The following MAP2K2 variants were observed in gnomAD, a reference collection of about 807,000 sequenced individuals.
MAP2K2 encodes mitogen-activated protein kinase kinase 2, also known as dual specificity mitogen-activated protein kinase kinase 2.
Under a neutral mutation model 43.7 loss-of-function variants are expected in MAP2K2, and 24 were observed. The ratio of observed to expected loss-of-function variants is 0.55; its 90% CI spans 0.40 to 0.77. The LOEUF (loss-of-function observed/expected upper bound fraction) is 0.77, where lower values mean the gene tolerates loss of function less well. Ranked by LOEUF, MAP2K2 falls within the 30% of genes least tolerant of loss-of-function variation. The probability of loss-of-function intolerance (pLI) is 0.00; values close to 1 mark genes in which losing one functional copy is unlikely to be tolerated. For missense variants in MAP2K2, 470 were observed against 566.8 expected, an observed-to-expected ratio of 0.83 and a Z score of 1.73; for synonymous variants, 244 against 239.7, an observed-to-expected ratio of 1.02 and a Z score of -0.17.
At chr19:4,119,368 C>A (rs1466959223) in intron 1 of MAP2K2, among the ~76,000 whole-genome samples, 1 of 152,044 alleles carries the variant, frequency 6.6e-6, no homozygotes, top group Non-Finnish European at 1.5e-5. Flanking sequence ...ATTACAAGCA[C>A]CCGCCACCAC....
At chr19:4,099,537 A>G (rs2040971326) in intron 6 of MAP2K2, 123 bp from the exon 7 acceptor site, 1 of 790,806 alleles carries the variant, frequency 1.3e-6, no homozygotes, top group South Asian at 1.7e-5. Context: ...CAATGGATAG[A>G]GAGCTGTTAC....
rs142271248 is a variant in MAP2K2 at position 4,117,483 on chromosome 19, G to A, written c.239C>T (p.Ala80Val). 3 of 1,613,948 alleles carry A rather than the reference G, an allele frequency of 1.9e-6. No individual in the cohort carries two copies. The African/African-American group carries it at 4.0e-5, about 22-fold the overall frequency. The part of the protein sequence containing the change: ...DDFERISELG[A>V]GNGGVVTKVQ... The stretch of plus-strand genomic sequence containing the variant: ...TTTGGTGACCACCCCGCCGTTGCCC[G>A]CGCCCAGCTCTGAGATCCTTTCGAA... Residue 80 changes from alanine (A) to valine (V), a missense_variant, in exon 2 of 11, where the codon GCG (alanine) becomes GTG (valine). Ala to Val is a moderately conservative substitution (Grantham distance 64). Transcript: ENST00000262948.
intron 3 of MAP2K2, among the ~76,000 whole-genome samples, chr19:4,104,191 G>A (rs910622459): frequency 6.6e-6 from 1 of 151,422 alleles, no homozygotes; most frequent in Non-Finnish European, 1.5e-5. Flanking sequence ...CTTGAACCTG[G>A]GAGGCAGAGG....
chr19:4,092,263 A>T (rs1467807542), intron 10 of MAP2K2, among the ~76,000 whole-genome samples: 1 of 152,214 alleles, frequency 6.6e-6, no homozygotes, highest in Non-Finnish European at 1.5e-5. Context: ...GGCTAGGTCC[A>T]GGATACCCAA....
chr19:4,101,391 A>C lies in MAP2K2; in HGVS notation c.529-111T>G. ...AGAGCTGGAGCGAGGGAGCTGCGGCAGGAACCATTTCAGGCTGTGAGGAGC... is the reference window on the plus strand; with the variant it reads ...AGAGCTGGAGCGAGGGAGCTGCGGCCGGAACCATTTCAGGCTGTGAGGAGC... On this transcript the variant is annotated intron_variant, in intron 4 of 10. Coordinates refer to ENST00000262948, the MANE Select transcript of MAP2K2 (RefSeq NM_030662.4). This position sits in a 1 kb window ranked among gnomAD's most constrained non-coding sequence, Gnocchi z 6.3. The C allele has an allele frequency of 8.0e-7, 1 of 1,243,166 alleles. No individual in the cohort carries two copies. Among genetic ancestry groups the C allele is most frequent in the Non-Finnish European group, 1.2e-6 (1 of 868,140 alleles). 77.0% of individuals were successfully genotyped at this position (1,243,166 alleles called of 1,614,324 possible). A position where few individuals can be genotyped will look rare whatever the true frequency, so the allele number is the denominator to read the frequency against.
At position 4,123,911 on chromosome 19, in the gene MAP2K2, G is replaced by A; in HGVS notation, c.-36C>T. On this transcript the variant is annotated 5_prime_UTR_variant, in exon 1 of 11. Coordinates refer to ENST00000262948, the MANE Select transcript of MAP2K2 (RefSeq NM_030662.4). ...CGGGCCGGCGGCGGCGGCGCCTCTA[G>A]CCGGGGCCCATAGGGGGCGGGCCGG... is the stretch of plus-strand genomic sequence containing the variant. 1 of 1,300,002 alleles carries A rather than the reference G, an allele frequency of 7.7e-7. No individual in the cohort carries two copies. Among genetic ancestry groups the A allele is most frequent in the Non-Finnish European group, 9.9e-7 (1 of 1,008,200 alleles). 80.5% of individuals were successfully genotyped at this position (1,300,002 alleles called of 1,614,324 possible). A position where few individuals can be genotyped will look rare whatever the true frequency, so the allele number is the denominator to read the frequency against.
intron 2 of MAP2K2, 72 bp downstream of exon 2, chr19:4,117,347 C>T (rs1304674358): frequency 1.6e-5 from 24 of 1,460,462 alleles, no homozygotes; most frequent in Non-Finnish European, 1.2e-5. Flanking sequence ...CGGCTGCCTT[C>T]CCAACCTGCC....
At chr19:4,097,469 G>T in intron 7 of MAP2K2, 126 bp from the exon 8 acceptor site, 2 of 731,054 alleles carry the variant, frequency 2.7e-6, no homozygotes, top group Non-Finnish European at 4.9e-6. Flanking sequence ...AATTGGAGGC[G>T]GGTGTGCAGA....
At position 4,115,262 on chromosome 19, in the gene MAP2K2, T is replaced by C. The variant is rs1266316548; in HGVS notation, c.303+2157A>G. ...ACCACAGAACCTGCCCAGCCACGCC[T>C]GCCCTCAGGTTCAAAGGCCCCGATC... On this transcript the variant is annotated intron_variant, in intron 2 of 10. Coordinates refer to ENST00000262948, the MANE Select transcript of MAP2K2 (RefSeq NM_030662.4). This position sits in a 1 kb window ranked among gnomAD's most constrained non-coding sequence, Gnocchi z 4.1. 1.3e-5 allele frequency among the ~76,000 whole-genome samples: 2 copies of C among 152,090 alleles called. No individual in the cohort carries two copies. The highest frequency in any genetic ancestry group is 1.9e-4 in the East Asian group (1 of 5,188).
chr19:4,105,079 G>C (rs2145062074), intron 3 of MAP2K2, among the ~76,000 whole-genome samples: 1 of 151,930 alleles, frequency 6.6e-6, no homozygotes, highest in Admixed American at 6.6e-5. Context: ...ACAGAGACAG[G>C]ATGTGGTGCA....
At position 4,115,821 on chromosome 19, in the gene MAP2K2, G is replaced by T. The variant is rs779785369; in HGVS notation, c.303+1598C>A. Among the ~76,000 whole-genome samples, 92 of 152,194 alleles carry T rather than the reference G, an allele frequency of 6.0e-4. No homozygotes were observed. The highest frequency in any genetic ancestry group is 1.1e-3 in the Non-Finnish European group (77 of 68,032). On this transcript the variant is annotated intron_variant, in intron 2 of 10. Coordinates refer to ENST00000262948, the MANE Select transcript of MAP2K2 (RefSeq NM_030662.4). This position sits in a 1 kb window ranked among gnomAD's most constrained non-coding sequence, Gnocchi z 4.1. ...CAGGATGGTGGGCTTCCAGGAAGAG[G>T]CAGCGTTCTAGGTCTGAAAGAACAC...
At chr19:4,110,371 G>A (rs529817882) in intron 3 of MAP2K2, 138 bp downstream of exon 3, 46 of 1,022,448 alleles carry the variant, frequency 4.5e-5, no homozygotes, top group South Asian at 1.5e-4. Context: ...GTATGGCATC[G>A]ACTGCCTTGA....
intron 3 of MAP2K2, among the ~76,000 whole-genome samples, chr19:4,108,418 ATTT>A (rs71166960): frequency 8.6e-5 from 11 of 128,258 alleles, no homozygotes; most frequent in Admixed American, 7.7e-5. Context: ...TTTTTTTTGT[ATTT>A]TTTTTTTTTT....
intron 1 of MAP2K2, among the ~76,000 whole-genome samples, chr19:4,118,587 A>C (rs949901822): frequency 6.6e-6 from 1 of 152,070 alleles, no homozygotes; most frequent in African/African-American, 2.4e-5. Flanking sequence ...TCAAAACAAA[A>C]CAAACCAAAA....
chr19:4,090,945 G>A (rs1187273765), intron 10 of MAP2K2, among the ~76,000 whole-genome samples: 1 of 152,212 alleles, frequency 6.6e-6, no homozygotes, highest in Non-Finnish European at 1.5e-5. Context: ...ACCTGGGGCG[G>A]GGACACCACC....
chr19:4,119,381 C>T (rs567662674), intron 1 of MAP2K2, among the ~76,000 whole-genome samples: 38 of 152,118 alleles, frequency 2.5e-4, no homozygotes, highest in African/African-American at 8.9e-4. Context: ...GCCACCACGC[C>T]CAGCTAATTT....
Position 4,124,005 on chromosome 19 carries a change from G to T in MAP2K2, c.-130C>A. ...CAGGCCGGCGTCGGGGCGGCCGAGG[G>T]CGGGCGGCGCTGCGGGCCTGGGCCG... On this transcript the variant is annotated 5_prime_UTR_variant, in exon 1 of 11. Coordinates refer to ENST00000262948, the MANE Select transcript of MAP2K2 (RefSeq NM_030662.4). The T allele has an allele frequency of 4.0e-6, 1 of 251,622 alleles. No individual in the cohort carries two copies. The highest frequency in any genetic ancestry group is 6.5e-6 in the Non-Finnish European group (1 of 153,980). The allele number at this position is 251,622 out of a possible 1,614,324, so 15.6% of individuals were successfully genotyped here. A position where few individuals can be genotyped will look rare whatever the true frequency, so the allele number is the denominator to read the frequency against.
intron 6 of MAP2K2, chr19:4,100,724 C>T (rs1293630401): frequency 4.0e-6 from 2 of 500,068 alleles, no homozygotes; most frequent in African/African-American, 3.8e-5. Flanking sequence ...CCAGGAGGCA[C>T]CAGCTTTAGA....
At chr19:4,114,677 G>A (rs992313297) in intron 2 of MAP2K2, among the ~76,000 whole-genome samples, 8 of 152,182 alleles carry the variant, frequency 5.3e-5, no homozygotes, top group African/African-American at 7.2e-5. Context: ...GGCCAGGCGC[G>A]GTGGCTCACG....
Sources: gnomAD v4.1 joint callset for allele counts (sites outside exome capture counted in the v4.1 genomes callset) on GRCh38, gnomAD v4.1.1 for gene constraint, Gnocchi (gnomAD v3.1) non-coding constraint, MANE v1.5 for transcripts, NCBI Gene and HGNC (gene_info 2026-07-23, HGNC 2026-07-21) for gene names.